Variants in RAB3B observed in about 807,000 individuals in gnomAD.
The protein encoded by RAB3B is ras-related protein Rab-3B.
In RAB3B, 11 loss-of-function variants were observed where a neutral mutation model predicts 20.5. The observed-to-expected ratio is 0.54, with a 90% CI of 0.34 to 0.89. The LOEUF (loss-of-function observed/expected upper bound fraction) is 0.89, where lower values mean the gene tolerates loss of function less well. Ranked by LOEUF, RAB3B falls within the 40% of genes least tolerant of loss-of-function variation. The pLI, the probability that RAB3B is intolerant of heterozygous loss-of-function variation, is 0.02. For synonymous variants in RAB3B, 99 were observed against 106.3 expected (o/e 0.93, Z 0.42); for missense variants, 225 against 280.9 (o/e 0.80, Z 1.42).
intron 4 of RAB3B, among the ~76,000 whole-genome samples, chr1:51,931,812 C>T (rs1194031984): frequency 6.6e-6 from 1 of 151,860 alleles, no homozygotes; most frequent in Non-Finnish European, 1.5e-5. Flanking sequence ...TGGGGTCTCA[C>T]CAGCTGGATG....
At chr1:51,944,664 T>G (rs939816210) in intron 2 of RAB3B, among the ~76,000 whole-genome samples, 3 of 152,148 alleles carry the variant, frequency 2.0e-5, no homozygotes, top group Non-Finnish European at 4.4e-5. Context: ...CTTGTGGAAA[T>G]AGCAGGAGAA....
rs557971157 is a variant in RAB3B at position 51,936,611 on chromosome 1, T to A, written c.347+683A>T. Among the ~76,000 whole-genome samples, 12 of 152,252 alleles carry A rather than the reference T, an allele frequency of 7.9e-5. No homozygotes were observed. The South Asian group carries it at 2.5e-3, about 32-fold the overall frequency. ...GCACCTACCTTCTCACCTTTGCACA[T>A]CTGTACTCATTTTCTGGAACATCCT... is the stretch of plus-strand genomic sequence containing the variant. On this transcript the variant is annotated intron_variant, in intron 3 of 4. Transcript: ENST00000371655.
intron 2 of RAB3B, among the ~76,000 whole-genome samples, chr1:51,940,503 A>G (rs1307234022): frequency 1.3e-5 from 2 of 152,092 alleles, no homozygotes; most frequent in East Asian, 3.9e-4. Flanking sequence ...TACACCTGTA[A>G]TCCCAGCTAC....
At chr1:51,920,973 A>G (rs1030919898) in intron 4 of RAB3B, among the ~76,000 whole-genome samples, 2 of 152,164 alleles carry the variant, frequency 1.3e-5, no homozygotes, top group African/African-American at 4.8e-5. Context: ...ACTACATCTC[A>G]GGTATGCAAC....
chr1:51,927,563 C>T (rs948232874), intron 4 of RAB3B, among the ~76,000 whole-genome samples: 1 of 152,160 alleles, frequency 6.6e-6, no homozygotes, highest in African/African-American at 2.4e-5. Context: ...ATCACTTGAG[C>T]CCAGCAGTTT....
At chr1:51,975,026 G>A (rs1449702637) in intron 2 of RAB3B, among the ~76,000 whole-genome samples, 1 of 152,000 alleles carries the variant, frequency 6.6e-6, no homozygotes, top group African/African-American at 2.4e-5. Context: ...TCAGCCTGGT[G>A]AACATGGTGA....
At chr1:51,943,597 T>C (rs547783923) in intron 2 of RAB3B, among the ~76,000 whole-genome samples, 2 of 152,262 alleles carry the variant, frequency 1.3e-5, no homozygotes, top group South Asian at 4.1e-4. Context: ...CAAATGTAAA[T>C]TTATTGAAGG....
chr1:51,936,385 T>C (rs139423333), intron 3 of RAB3B, among the ~76,000 whole-genome samples: 1 of 152,336 alleles, frequency 6.6e-6, no homozygotes, highest in Non-Finnish European at 1.5e-5. Context: ...GGACTGTATG[T>C]GCTCCTGGAC....
intron 3 of RAB3B, among the ~76,000 whole-genome samples, chr1:51,936,431 T>C (rs965850736): frequency 2.0e-5 from 3 of 152,198 alleles, no homozygotes; most frequent in Non-Finnish European, 4.4e-5. Context: ...TTAAGTGCTA[T>C]GTGGATTCAC....
chr1:51,924,792 A>G (rs1684221875), intron 4 of RAB3B, among the ~76,000 whole-genome samples: 1 of 152,160 alleles, frequency 6.6e-6, no homozygotes, highest in African/African-American at 2.4e-5. Context: ...GATTCCTGAA[A>G]TATTCTTCAT....
intron 4 of RAB3B, among the ~76,000 whole-genome samples, chr1:51,920,703 G>A (rs1328162674): frequency 2.0e-5 from 3 of 152,202 alleles, no homozygotes; most frequent in Non-Finnish European, 4.4e-5. Flanking sequence ...GCACCAGTAT[G>A]AGAAGCCCAG....
At position 51,911,605 on chromosome 1, in the gene RAB3B, A is replaced by C. The variant is rs1478921448; in HGVS notation, c.*8322T>G. The C allele has an allele frequency of 6.6e-6, 1 of 152,186 alleles. No individual in the cohort carries two copies. The highest frequency in any genetic ancestry group is 2.1e-4 in the South Asian group (1 of 4,834). 9.4% of individuals were successfully genotyped at this position (152,186 alleles called of 1,614,324 possible). Reference sequence around the variant, plus strand: ...GGAAGAGGTGATCAGCCAAGCCTCCAAACCAGAATCAGGGTCTAGAAAACC... The same window carrying C: ...GGAAGAGGTGATCAGCCAAGCCTCCCAACCAGAATCAGGGTCTAGAAAACC... On this transcript the variant is annotated 3_prime_UTR_variant, in exon 5 of 5. Transcript: ENST00000371655.
In RAB3B at chr1:51,911,908, T is replaced by C. The variant is rs1684003317; in HGVS notation, c.*8019A>G. The C allele has an allele frequency of 6.6e-6, 1 of 152,082 alleles. No homozygotes were observed. The highest frequency in any genetic ancestry group is 1.5e-5 in the Non-Finnish European group (1 of 68,030). 9.4% of individuals were successfully genotyped at this position (152,082 alleles called of 1,614,324 possible). A position where few individuals can be genotyped will look rare whatever the true frequency, so the allele number is the denominator to read the frequency against. ...CCTGGTTTGGGTTAGGGAGTAGTAGTACTACTAAAGAAGAGATTACTATTT... is the reference window on the plus strand; with the variant it reads ...CCTGGTTTGGGTTAGGGAGTAGTAGCACTACTAAAGAAGAGATTACTATTT... On this transcript the variant is annotated 3_prime_UTR_variant, in exon 5 of 5. Coordinates refer to ENST00000371655, the MANE Select transcript of RAB3B (RefSeq NM_002867.4).
chr1:51,978,390 A>G (rs1685037874), intron 1 of RAB3B, among the ~76,000 whole-genome samples: 1 of 152,236 alleles, frequency 6.6e-6, no homozygotes, highest in Non-Finnish European at 1.5e-5. Context: ...ACCATTATCA[A>G]CTGGTAAATT....
intron 3 of RAB3B, among the ~76,000 whole-genome samples, chr1:51,934,920 T>C (rs1454605604): frequency 1.3e-5 from 2 of 152,176 alleles, no homozygotes; most frequent in Non-Finnish European, 2.9e-5. Context: ...GACATCTTTT[T>C]GTGGAGATGG....
chr1:51,907,995 C>T lies in RAB3B; in HGVS notation c.*11932G>A, dbSNP rs1377922980. ...ACTTTAATGCATATACCATCATTGC[C>T]ACTATAATAGAGATAGAAGATACAT... is the stretch of plus-strand genomic sequence containing the variant. On this transcript the variant is annotated 3_prime_UTR_variant, in exon 5 of 5. Coordinates refer to ENST00000371655, the MANE Select transcript of RAB3B (RefSeq NM_002867.4). 1 of 151,992 alleles carries T rather than the reference C, an allele frequency of 6.6e-6. No individual in the cohort carries two copies. The highest frequency in any genetic ancestry group is 2.4e-5 in the African/African-American group (1 of 41,384). The allele number at this position is 151,992 out of a possible 1,614,324, so 9.4% of individuals were successfully genotyped here.
At chr1:51,967,521 C>CTTTTTTTTTTTTTTTCTTTTTTTTTTTT (rs1684871718) in intron 2 of RAB3B, among the ~76,000 whole-genome samples, 2 of 36,496 alleles carry the variant, frequency 5.5e-5, no homozygotes, top group Non-Finnish European at 1.1e-4. Context: ...TTTTCTTTTT[C>CTTTTTTTTTTTTTTTCTTTTTTTTTTTT]TTTTTTTTTT....
intron 1 of RAB3B, among the ~76,000 whole-genome samples, chr1:51,985,638 C>A (rs1685141222): frequency 6.6e-6 from 1 of 152,138 alleles, no homozygotes; most frequent in Admixed American, 6.5e-5. Context: ...ATAATACTTA[C>A]TTCACGAGGT....
intron 2 of RAB3B, among the ~76,000 whole-genome samples, chr1:51,937,821 T>C (rs1397271842): frequency 6.6e-6 from 1 of 152,104 alleles, no homozygotes; most frequent in Non-Finnish European, 1.5e-5. Context: ...GGAGCATCTA[T>C]TATGTGTCTT....
Sources: gnomAD v4.1 joint callset for allele counts (sites outside exome capture counted in the v4.1 genomes callset) on GRCh38, gnomAD v4.1.1 for gene constraint, MANE v1.5 for transcripts, NCBI Gene and HGNC (gene_info 2026-07-23, HGNC 2026-07-21) for gene names.